SGMS1: variants seen among roughly 807,000 people sequenced by gnomAD.
The protein encoded by SGMS1 is phosphatidylcholine:ceramide cholinephosphotransferase 1.
A neutral mutation model predicts 46.2 loss-of-function variants in SGMS1; 13 were observed. The ratio of observed to expected loss-of-function variants is 0.28; its 90% CI spans 0.18 to 0.45. The LOEUF (loss-of-function observed/expected upper bound fraction) is 0.45. Ranked by LOEUF, SGMS1 falls within the 20% of genes least tolerant of loss-of-function variation. SGMS1 has a pLI of 1.00. For missense variants in SGMS1, 324 were observed against 519.9 expected (o/e 0.62, Z 3.66); for synonymous variants, 203 against 187.8 (o/e 1.08, Z -0.66).
intron 2 of SGMS1, among the ~76,000 whole-genome samples, chr10:50,589,943 T>C (rs1013273177): frequency 6.6e-6 from 1 of 152,146 alleles, no homozygotes; most frequent in Admixed American, 6.5e-5. Flanking sequence ...CCCAAGAATT[T>C]AGGAAAAAAT....
At chr10:50,489,251 T>C (rs769790473) in intron 3 of SGMS1, among the ~76,000 whole-genome samples, 4 of 152,186 alleles carry the variant, frequency 2.6e-5, no homozygotes, top group Non-Finnish European at 5.9e-5. Context: ...CCATAAGCAA[T>C]AGGCAAAATA....
At chr10:50,483,486 G>A (rs1219490610) in intron 3 of SGMS1, among the ~76,000 whole-genome samples, 2 of 152,156 alleles carry the variant, frequency 1.3e-5, no homozygotes, top group East Asian at 1.9e-4. Context: ...AGATCACTGA[G>A]AGAGAAAATT....
chr10:50,543,301 A>G (rs1838072245), intron 2 of SGMS1, among the ~76,000 whole-genome samples: 1 of 152,262 alleles, frequency 6.6e-6, no homozygotes, highest in African/African-American at 2.4e-5. Context: ...CAGCAGAGAC[A>G]TAAGGCAGGG....
chr10:50,532,299 C>T (rs1375521308), intron 2 of SGMS1, among the ~76,000 whole-genome samples: 1 of 149,362 alleles, frequency 6.7e-6, no homozygotes, highest in African/African-American at 2.5e-5. Flanking sequence ...GTGTCCTGTC[C>T]ACAATGGGTT....
intron 6 of SGMS1, among the ~76,000 whole-genome samples, chr10:50,355,639 G>A (rs1313397560): frequency 1.3e-5 from 2 of 152,256 alleles, no homozygotes; most frequent in South Asian, 2.1e-4. Flanking sequence ...CCACCTCCCA[G>A]CCGCCTGCCT....
At chr10:50,580,017 A>G (rs1300014891) in intron 2 of SGMS1, among the ~76,000 whole-genome samples, 1 of 152,242 alleles carries the variant, frequency 6.6e-6, no homozygotes, top group East Asian at 1.9e-4. Flanking sequence ...GTTTATGGTT[A>G]AAGTAGTGGT....
intron 1 of SGMS1, among the ~76,000 whole-genome samples, chr10:50,615,590 G>T (rs1459372222): frequency 6.6e-6 from 1 of 152,206 alleles, no homozygotes; most frequent in Non-Finnish European, 1.5e-5. Context: ...CTATAAGACA[G>T]AGAGCTATTG....
intron 5 of SGMS1, among the ~76,000 whole-genome samples, chr10:50,433,924 G>A (rs940666016): frequency 2.0e-5 from 3 of 152,128 alleles, no homozygotes; most frequent in African/African-American, 7.2e-5. Flanking sequence ...CAAAAGTGAA[G>A]GATTAATTTG....
intron 6 of SGMS1, among the ~76,000 whole-genome samples, chr10:50,380,106 C>T (rs569439258): frequency 4.6e-5 from 7 of 152,256 alleles, no homozygotes; most frequent in South Asian, 2.1e-4. Context: ...CTTGGCTGGG[C>T]ACAGTGGCTC....
chr10:50,402,124 A>C (rs1589425045), intron 6 of SGMS1, among the ~76,000 whole-genome samples: 1 of 145,900 alleles, frequency 6.9e-6, no homozygotes, highest in East Asian at 2.0e-4. Context: ...TCTGGTCAAA[A>C]GCCTAATTAA....
intron 5 of SGMS1, among the ~76,000 whole-genome samples, chr10:50,447,235 T>C (rs1362575207): frequency 1.3e-5 from 2 of 152,318 alleles, no homozygotes; most frequent in East Asian, 3.9e-4. Context: ...TAATGTCTTA[T>C]TCATTCTAAA....
At chr10:50,599,480 T>C (rs906584930) in intron 1 of SGMS1, among the ~76,000 whole-genome samples, 4 of 152,000 alleles carry the variant, frequency 2.6e-5, no homozygotes, top group Middle Eastern at 3.4e-3. Flanking sequence ...CCTTTTTTTT[T>C]ACTTGTCCTA....
chr10:50,343,848 T>A lies in SGMS1; in HGVS notation c.267A>T (p.Val89=). The change falls in exon 7 of 11, where the codon GTA becomes GTT. Residue 89 remains valine (V), a synonymous_variant. Transcript: ENST00000361781. ...AGCTGCCGTCGGGGGTGGGGATGTC[T>A]ACGCCAATGTTGAGGTGCCCATTGG... is the stretch of plus-strand genomic sequence containing the variant. The part of the protein sequence containing the change: ...GHANGHLNIG[V]DIPTPDGSFS... The A allele has an allele frequency of 6.2e-7, 1 of 1,614,182 alleles. No homozygotes were observed. Among genetic ancestry groups the A allele is most frequent in the Non-Finnish European group, 8.5e-7 (1 of 1,180,030 alleles).
chr10:50,313,777 G>T (rs1847295649), intron 8 of SGMS1, among the ~76,000 whole-genome samples: 1 of 152,064 alleles, frequency 6.6e-6, no homozygotes, highest in African/African-American at 2.4e-5. Flanking sequence ...AAATCTTTGT[G>T]GTGAAACAAT....
chr10:50,376,012 T>A (rs1292654527), intron 6 of SGMS1, among the ~76,000 whole-genome samples: 1 of 152,174 alleles, frequency 6.6e-6, no homozygotes, highest in Non-Finnish European at 1.5e-5. Flanking sequence ...TTATTTTTAC[T>A]TTTTTACTCT....
intron 6 of SGMS1, among the ~76,000 whole-genome samples, chr10:50,419,361 T>G (rs74132710): frequency 0.03 from 4,533 of 152,280 alleles, 228 homozygotes; most frequent in African/African-American, 0.1. Context: ...TCTAAAGAAT[T>G]TTAGAGCTGA....
chr10:50,415,274 C>T (rs1203084203), intron 6 of SGMS1, among the ~76,000 whole-genome samples: 3 of 152,004 alleles, frequency 2.0e-5, no homozygotes, highest in South Asian at 2.1e-4. Context: ...CTGATCATCA[C>T]TTTTATTTTT....
intron 1 of SGMS1, among the ~76,000 whole-genome samples, chr10:50,612,487 G>T (rs1838759192): frequency 6.6e-6 from 1 of 152,102 alleles, no homozygotes; most frequent in African/African-American, 2.4e-5. Flanking sequence ...AAGGAGGAGT[G>T]GAGGGGAGAA....
intron 6 of SGMS1, among the ~76,000 whole-genome samples, chr10:50,359,864 C>T: frequency 6.6e-6 from 1 of 152,054 alleles, no homozygotes. Flanking sequence ...CTTTTGTAAA[C>T]ACATATTACA....
Sources: allele counts gnomAD v4.1 joint callset (sites outside exome capture counted in the v4.1 genomes callset), GRCh38; gene constraint gnomAD v4.1.1; transcripts MANE v1.5; gene names NCBI Gene and HGNC (gene_info 2026-07-23, HGNC 2026-07-21).